TSEN15: variants seen among roughly 807,000 people sequenced by gnomAD.
TSEN15 encodes tRNA-splicing endonuclease subunit Sen15.
Under a neutral mutation model 20.5 loss-of-function variants are expected in TSEN15, and 10 were observed. The ratio of observed to expected loss-of-function variants is 0.49; its 90% CI spans 0.30 to 0.83. The LOEUF (loss-of-function observed/expected upper bound fraction) is 0.83, where lower values mean the gene tolerates loss of function less well. Among genes scored for constraint, TSEN15 ranks in the 40% least tolerant of loss-of-function variants. The probability of loss-of-function intolerance (pLI) is 0.06; values close to 1 mark genes in which losing one functional copy is unlikely to be tolerated. For missense variants in TSEN15, 180 were observed against 218.6 expected (o/e 0.82, Z 1.11); for synonymous variants, 72 against 80.1 (o/e 0.90, Z 0.54).
At chr1:184,057,290 A>G (rs903578793) in intron 3 of TSEN15, among the ~76,000 whole-genome samples, 4 of 152,114 alleles carry the variant, frequency 2.6e-5, no homozygotes, top group Non-Finnish European at 5.9e-5. Context: ...TGAGCATGTA[A>G]AGGGGTGCTG....
chr1:184,064,123 T>C (rs1650561948), intron 3 of TSEN15, among the ~76,000 whole-genome samples: 1 of 152,120 alleles, frequency 6.6e-6, no homozygotes. Context: ...AGATGGACAG[T>C]CATTTACATC....
chr1:184,064,756 G>A lies in TSEN15; in HGVS notation c.354-7401G>A, dbSNP rs552490375. 1.2e-3 allele frequency among the ~76,000 whole-genome samples: 177 copies of A among 152,212 alleles called. 1 individual carries two copies. The highest frequency in any genetic ancestry group is 4.0e-3 in the African/African-American group (165 of 41,534). On this transcript the variant is annotated intron_variant, in intron 3 of 4. Coordinates refer to ENST00000645668, the MANE Select transcript of TSEN15 (RefSeq NM_052965.4). ...AATGCTTGTTTCTGTTTTCTGTAAT[G>A]GATACCAATTACAATGTGCAAATCT...
At chr1:184,062,276 A>G (rs1650484387) in intron 3 of TSEN15, among the ~76,000 whole-genome samples, 2 of 152,154 alleles carry the variant, frequency 1.3e-5, no homozygotes, top group South Asian at 2.1e-4. Context: ...ACAGTACTCT[A>G]GATTGTTTCT....
At chr1:184,065,144 A>G (rs1650600671) in intron 3 of TSEN15, among the ~76,000 whole-genome samples, 1 of 152,074 alleles carries the variant, frequency 6.6e-6, no homozygotes. Flanking sequence ...ATTCATTCTG[A>G]AGCTCAGACC....
intron 3 of TSEN15, among the ~76,000 whole-genome samples, chr1:184,092,572 C>G (rs973328121): frequency 6.6e-6 from 1 of 152,150 alleles, no homozygotes; most frequent in Non-Finnish European, 1.5e-5. Flanking sequence ...CTCATCAAAC[C>G]CTGAAACCCA....
chr1:184,088,585 ATT>A (rs199533895), intron 3 of TSEN15, among the ~76,000 whole-genome samples: 3 of 121,196 alleles, frequency 2.5e-5, no homozygotes, highest in Admixed American at 9.7e-5. Flanking sequence ...TGTTTTTTGT[ATT>A]TTTTTTTTTT....
chr1:184,076,541 G>A (rs932654381), downstream of TSEN15, among the ~76,000 whole-genome samples: 1 of 152,040 alleles, frequency 6.6e-6, no homozygotes, highest in African/African-American at 2.4e-5. Context: ...AGGTAGTGTA[G>A]TACATCTGTC....
At chr1:184,059,285 C>T (rs1650359316) in intron 3 of TSEN15, among the ~76,000 whole-genome samples, 1 of 152,074 alleles carries the variant, frequency 6.6e-6, no homozygotes, top group Non-Finnish European at 1.5e-5. Context: ...AGGGTAACTG[C>T]AAGTAATTAA....
intron 3 of TSEN15, among the ~76,000 whole-genome samples, chr1:184,056,877 G>A (rs1055085359): frequency 5.3e-5 from 8 of 151,874 alleles, no homozygotes; most frequent in South Asian, 2.1e-4. Flanking sequence ...TCTCTTAATC[G>A]CTTGCTTGGT....
chr1:184,085,751 C>T (rs1651251465), intron 3 of TSEN15, among the ~76,000 whole-genome samples: 7 of 152,144 alleles, frequency 4.6e-5, no homozygotes, highest in Non-Finnish European at 1.5e-5. Context: ...CTGATGATGT[C>T]AGTGCAGCTG....
intron 3 of TSEN15, among the ~76,000 whole-genome samples, chr1:184,083,954 C>T (rs1240611261): frequency 1.3e-5 from 2 of 152,288 alleles, no homozygotes; most frequent in Non-Finnish European, 2.9e-5. Context: ...ACATATTCCT[C>T]CCATCATGGG....
chr1:184,083,304 T>G (rs981431324), intron 3 of TSEN15, among the ~76,000 whole-genome samples: 1 of 152,226 alleles, frequency 6.6e-6, no homozygotes, highest in African/African-American at 2.4e-5. Flanking sequence ...GATTTTCTTT[T>G]GTAAGCATGC....
intron 3 of TSEN15, among the ~76,000 whole-genome samples, chr1:184,071,752 T>C (rs1650891372): frequency 6.6e-6 from 1 of 151,910 alleles, no homozygotes; most frequent in African/African-American, 2.4e-5. Context: ...AGAAAACAAA[T>C]AGCTAAATGG....
At chr1:184,067,941 A>AAAAATATATATATATATAT (rs1400681024) in intron 3 of TSEN15, among the ~76,000 whole-genome samples, 1 of 95,602 alleles carries the variant, frequency 1.0e-5, no homozygotes, top group African/African-American at 4.2e-5. Context: ...AAAAAAAAAA[A>AAAAATATATATATATATAT]ATATATATAT....
At chr1:184,060,009 G>T (rs1451549611) in intron 3 of TSEN15, among the ~76,000 whole-genome samples, 1 of 152,176 alleles carries the variant, frequency 6.6e-6, no homozygotes, top group African/African-American at 2.4e-5. Context: ...GGTTAATTTA[G>T]AATTAGCTTC....
chr1:184,073,790 C>T lies in TSEN15; in HGVS notation c.*943C>T, dbSNP rs1360574238. On this transcript the variant is annotated 3_prime_UTR_variant, in exon 5 of 5. Coordinates refer to ENST00000645668, the MANE Select transcript of TSEN15 (RefSeq NM_052965.4). ...TTTAAACCTACTGTCTCTGTCATAA[C>T]TTGTCAACACTGCTGTATGAAGCAC... 1 of 152,168 alleles carries T rather than the reference C, an allele frequency of 6.6e-6. No homozygotes were observed. The highest frequency in any genetic ancestry group is 2.4e-5 in the African/African-American group (1 of 41,424). 9.4% of individuals were successfully genotyped at this position (152,168 alleles called of 1,614,324 possible).
chr1:184,065,358 A>C (rs1650613653), intron 3 of TSEN15, among the ~76,000 whole-genome samples: 1 of 152,180 alleles, frequency 6.6e-6, no homozygotes. Context: ...CAATATTCAT[A>C]CATTATTAGT....
rs183469913 is a variant in TSEN15, at chr1:184,067,787, T to C, written c.354-4370T>C. 3.0e-3 allele frequency among the ~76,000 whole-genome samples: 461 copies of C among 151,360 alleles called. 2 individuals carry two copies. The highest frequency in any genetic ancestry group is 7.3e-3 in the African/African-American group (302 of 41,292). On this transcript the variant is annotated intron_variant, in intron 3 of 4. Coordinates refer to ENST00000645668, the MANE Select transcript of TSEN15 (RefSeq NM_052965.4). Reference sequence around the variant, plus strand: ...ACAAAAAATTAGCTGGATGTGGTGGTGTGTGCCTGTAGTCCCAGCTACTTG... The same window carrying C: ...ACAAAAAATTAGCTGGATGTGGTGGCGTGTGCCTGTAGTCCCAGCTACTTG...
intron 3 of TSEN15, among the ~76,000 whole-genome samples, chr1:184,080,168 A>G (rs961301773): frequency 2.0e-5 from 3 of 152,232 alleles, no homozygotes; most frequent in Admixed American, 6.5e-5. Context: ...CAAGAGCATT[A>G]CAAGGACAAC....
Sources: allele counts gnomAD v4.1 joint callset (sites outside exome capture counted in the v4.1 genomes callset), GRCh38; gene constraint gnomAD v4.1.1; transcripts MANE v1.5; gene names NCBI Gene and HGNC (gene_info 2026-07-23, HGNC 2026-07-21).